Variants in WNT3 observed in about 807,000 individuals in gnomAD.
WNT3 encodes proto-oncogene Wnt-3.
In WNT3, 7 loss-of-function variants were observed where a neutral mutation model predicts 34.2. The ratio of observed to expected loss-of-function variants is 0.20; its 90% CI spans 0.12 to 0.38. The LOEUF (loss-of-function observed/expected upper bound fraction) is 0.38, where lower values mean the gene tolerates loss of function less well. Ranked by LOEUF, WNT3 falls within the 10% of genes least tolerant of loss-of-function variation. The pLI, the probability that WNT3 is intolerant of heterozygous loss-of-function variation, is 1.00. For missense variants in WNT3, 267 were observed against 499.8 expected (o/e 0.53, Z 4.44); for synonymous variants, 212 against 211.5 (o/e 1.00, Z -0.02).
chr17:46,779,534 C>T (rs2146397699), intron 1 of WNT3, among the ~76,000 whole-genome samples: 1 of 152,336 alleles, frequency 6.6e-6, no homozygotes. Context: ...CACGGGCAGC[C>T]AGGCGGATGG....
At chr17:46,783,388 A>G (rs1258253553) in intron 1 of WNT3, among the ~76,000 whole-genome samples, 2 of 152,234 alleles carry the variant, frequency 1.3e-5, no homozygotes, top group African/African-American at 4.8e-5. Flanking sequence ...TTCACTGCCT[A>G]TTCACTCAAC....
chr17:46,788,773 T>C (rs556304312), intron 1 of WNT3, among the ~76,000 whole-genome samples: 81 of 151,600 alleles, frequency 5.3e-4, no homozygotes, highest in Non-Finnish European at 1.1e-3. Context: ...CCCTGCCTCC[T>C]TTCCCTGCCC....
At chr17:46,769,315 CAAAAA>C (rs60504646) in intron 3 of WNT3, among the ~76,000 whole-genome samples, 1 of 102,854 alleles carries the variant, frequency 9.7e-6, no homozygotes. Flanking sequence ...GACTCCGTCT[CAAAAA>C]AAAAAAAAAA....
intron 2 of WNT3, 44 bp downstream of exon 2, chr17:46,773,624 C>CA: frequency 1.8e-5 from 7 of 387,254 alleles, no homozygotes; most frequent in South Asian, 5.7e-5. Context: ...CCTGATCCCT[C>CA]CCCCCACCCA....
In WNT3 at chr17:46,804,554, T is replaced by C. The variant is rs540166913; in HGVS notation, c.80+13964A>G. ...ATGGCAGGCCCCCTCTTTCCCTGAT[T>C]TAAAGGCAATTCTGTGGCTATAGGA... is the stretch of plus-strand genomic sequence containing the variant. On this transcript the variant is annotated intron_variant, in intron 1 of 4. Coordinates refer to ENST00000225512, the MANE Select transcript of WNT3 (RefSeq NM_030753.5). 5.3e-5 allele frequency among the ~76,000 whole-genome samples: 8 copies of C among 152,264 alleles called. No homozygotes were observed. The South Asian group carries it at 1.2e-3, about 24-fold the overall frequency.
At chr17:46,786,427 G>A (rs1911746014) in intron 1 of WNT3, among the ~76,000 whole-genome samples, 1 of 152,224 alleles carries the variant, frequency 6.6e-6, no homozygotes, top group Non-Finnish European at 1.5e-5. Context: ...CACAGGGAAG[G>A]GCCTAGGCCC....
At chr17:46,773,619 T>TGGGGGGGGGGGGGGGGGGGGGGGGGGGGG in intron 2 of WNT3, 49 bp downstream of exon 2, 1 of 549,848 alleles carries the variant, frequency 1.8e-6, no homozygotes. Flanking sequence ...ACAGTCCTGA[T>TGGGGGGGGGGGGGGGGGGGGGGGGGGGGG]CCCTCCCCCC....
At chr17:46,789,024 G>A (rs1469622720) in intron 1 of WNT3, among the ~76,000 whole-genome samples, 1 of 152,216 alleles carries the variant, frequency 6.6e-6, no homozygotes, top group South Asian at 2.1e-4. Flanking sequence ...GCTCCCCAGG[G>A]CTCCTCAGAG....
intron 1 of WNT3, among the ~76,000 whole-genome samples, chr17:46,802,893 G>A (rs373611388): frequency 6.6e-6 from 1 of 152,208 alleles, no homozygotes; most frequent in East Asian, 1.9e-4. Context: ...TGTGTTCTGC[G>A]AGCCACTCTA....
intron 1 of WNT3, among the ~76,000 whole-genome samples, chr17:46,796,583 A>G (rs1015635210): frequency 1.3e-5 from 2 of 152,206 alleles, no homozygotes; most frequent in African/African-American, 4.8e-5. Flanking sequence ...GCACACAGAG[A>G]GGCAAGCGCA....
chr17:46,774,013 A>G, intron 1 of WNT3, 104 bp from the exon 2 acceptor site: 1 of 1,491,338 alleles, frequency 6.7e-7, no homozygotes, highest in Non-Finnish European at 9.0e-7. Context: ...GGAGAGGCAG[A>G]GGGCCTGTGC....
intron 1 of WNT3, among the ~76,000 whole-genome samples, chr17:46,774,537 C>T (rs1424165162): frequency 1.3e-5 from 2 of 152,246 alleles, no homozygotes; most frequent in South Asian, 2.1e-4. Flanking sequence ...AGAGCTCCAC[C>T]TCTTTTCTCA....
At chr17:46,779,766 T>C (rs2146398115) in intron 1 of WNT3, among the ~76,000 whole-genome samples, 1 of 152,258 alleles carries the variant, frequency 6.6e-6, no homozygotes, top group South Asian at 2.1e-4. Flanking sequence ...GGACCTTTTT[T>C]TTTCTTTTTT....
intron 4 of WNT3, among the ~76,000 whole-genome samples, chr17:46,767,757 GCA>G (rs1034766545): frequency 5.3e-5 from 8 of 152,070 alleles, no homozygotes; most frequent in Non-Finnish European, 8.8e-5. Context: ...CACCTAATGT[GCA>G]CACACTGAAT....
intron 1 of WNT3, among the ~76,000 whole-genome samples, chr17:46,794,957 G>T (rs2084034934): frequency 6.6e-6 from 1 of 151,872 alleles, no homozygotes; most frequent in Admixed American, 6.6e-5. Context: ...CACCATGTTG[G>T]CCAGGCTGGT....
Position 46,768,418 on chromosome 17 carries a change from C to G in WNT3, c.970G>C (p.Glu324Gln). Residue 324 changes from glutamate (E) to glutamine (Q), a missense_variant, in exon 4 of 5, where the codon GAG becomes CAG. Coordinates refer to ENST00000225512, the MANE Select transcript of WNT3 (RefSeq NM_030753.5). The surrounding 1 kb of genome is among the most constrained non-coding windows in gnomAD (Gnocchi z 5.0). ...CAGTGGCATTTTTCCTTCCGCTTCT[C>G]CGTCCTCGTGTTGTGGCCCCGGCCA... ...CCGRGHNTRT[E>Q]KRKEKCHCIF... The G allele has an allele frequency of 1.2e-6, 2 of 1,614,026 alleles. No individual in the cohort carries two copies. The highest frequency in any genetic ancestry group is 1.6e-4 in the Middle Eastern group (1 of 6,062).
chr17:46,778,154 C>A (rs918469447), intron 1 of WNT3, among the ~76,000 whole-genome samples: 5 of 152,328 alleles, frequency 3.3e-5, no homozygotes, highest in African/African-American at 1.2e-4. Context: ...ACTTTGTTCC[C>A]TGCCTTGTCA....
chr17:46,795,899 T>C (rs762246864), intron 1 of WNT3, among the ~76,000 whole-genome samples: 4 of 152,122 alleles, frequency 2.6e-5, no homozygotes, highest in Non-Finnish European at 4.4e-5. Flanking sequence ...CACACATGCA[T>C]GCACGCACAC....
intron 1 of WNT3, among the ~76,000 whole-genome samples, chr17:46,787,960 A>G (rs1159529426): frequency 6.6e-6 from 1 of 150,750 alleles, no homozygotes; most frequent in Non-Finnish European, 1.5e-5. Context: ...TGCCTCAGAA[A>G]AAAAAAAAAA....
Sources: allele counts gnomAD v4.1 joint callset (sites outside exome capture counted in the v4.1 genomes callset), GRCh38; gene constraint gnomAD v4.1.1; non-coding constraint Gnocchi (gnomAD v3.1); transcripts MANE v1.5; gene names NCBI Gene and HGNC (gene_info 2026-07-23, HGNC 2026-07-21).